TMEM108: variants seen among roughly 807,000 people sequenced by gnomAD.
The protein encoded by TMEM108 is cancer/testis antigen 124.
A neutral mutation model predicts 35.1 loss-of-function variants in TMEM108; 12 were observed. That is an observed-to-expected ratio of 0.34 (90% CI 0.22 to 0.55). The LOEUF (loss-of-function observed/expected upper bound fraction) is 0.55, where lower values mean the gene tolerates loss of function less well. Ranked by LOEUF, TMEM108 falls within the 20% of genes least tolerant of loss-of-function variation. TMEM108 has a pLI of 0.89. For synonymous variants in TMEM108, 287 were observed against 308.6 expected (o/e 0.93, Z 0.73); for missense variants, 680 against 753.3 (o/e 0.90, Z 1.14).
intron 2 of TMEM108, among the ~76,000 whole-genome samples, chr3:133,219,901 A>G (rs1945962652): frequency 6.6e-6 from 1 of 152,146 alleles, no homozygotes; most frequent in African/African-American, 2.4e-5. Flanking sequence ...ATATCCATCC[A>G]TTGTTGAAAG....
intron 3 of TMEM108, among the ~76,000 whole-genome samples, chr3:133,377,166 C>G (rs1294127875): frequency 6.6e-6 from 1 of 152,212 alleles, no homozygotes; most frequent in Non-Finnish European, 1.5e-5. Context: ...AAAGCCCTAT[C>G]TCCAAATATA....
chr3:133,176,254 A>G (rs1350539082), intron 2 of TMEM108, among the ~76,000 whole-genome samples: 1 of 152,196 alleles, frequency 6.6e-6, no homozygotes, highest in Non-Finnish European at 1.5e-5. Context: ...TCAACATTAG[A>G]CAGATCAACA....
In TMEM108 at chr3:133,229,367, A is replaced by G; in HGVS notation, c.40+16A>G. The G allele has an allele frequency of 4.3e-6, 7 of 1,611,538 alleles. No homozygotes were observed. The highest frequency in any genetic ancestry group is 5.9e-6 in the Non-Finnish European group (7 of 1,178,630). On this transcript the variant is annotated intron_variant, in intron 3 of 5. Coordinates refer to ENST00000321871, the MANE Select transcript of TMEM108 (RefSeq NM_023943.4). ...CAACTGTTAAGTAAGTTGACACTGT[A>G]TTTCTTCTTTCCTAAAATATACTAA...
intron 2 of TMEM108, among the ~76,000 whole-genome samples, chr3:133,169,803 C>A (rs933227327): frequency 6.6e-6 from 1 of 152,094 alleles, no homozygotes; most frequent in Non-Finnish European, 1.5e-5. Flanking sequence ...TTAGAAAAAG[C>A]AATTATCTAT....
chr3:133,099,305 A>T (rs770849558), intron 2 of TMEM108, among the ~76,000 whole-genome samples: 4 of 152,154 alleles, frequency 2.6e-5, no homozygotes, highest in Non-Finnish European at 5.9e-5. Flanking sequence ...TGCACGCAGC[A>T]TGGGGACCCT....
intron 3 of TMEM108, among the ~76,000 whole-genome samples, chr3:133,280,340 CT>C (rs1286672604): frequency 7.9e-5 from 12 of 152,188 alleles, no homozygotes; most frequent in African/African-American, 2.7e-4. Context: ...TCTTACTACC[CT>C]AGCATTGATT....
intron 2 of TMEM108, among the ~76,000 whole-genome samples, chr3:133,154,022 G>A (rs1178047394): frequency 8.3e-6 from 1 of 120,742 alleles, no homozygotes; most frequent in Non-Finnish European, 1.7e-5. Context: ...CAATAAATTA[G>A]TAGACTTTTT....
At chr3:133,103,196 A>G (rs935652050) in intron 2 of TMEM108, among the ~76,000 whole-genome samples, 3 of 152,240 alleles carry the variant, frequency 2.0e-5, no homozygotes, top group Admixed American at 2.0e-4. Flanking sequence ...AATGCCCATC[A>G]GTGGCGGACT....
rs916193114 is a variant in TMEM108 at position 133,346,067 on chromosome 3, T to C, written c.41-33685T>C. On this transcript the variant is annotated intron_variant, in intron 3 of 5. Transcript: ENST00000321871. The surrounding 1 kb of genome is among the most constrained non-coding windows in gnomAD (Gnocchi z 4.0). ...AAGACATCTTGGTTGCTTCTAGTTG[T>C]TGACAATTATGAATAAAGTAGCTAT... 1.3e-5 allele frequency among the ~76,000 whole-genome samples: 2 copies of C among 152,024 alleles called. No homozygotes were observed. Among genetic ancestry groups the C allele is most frequent in the Non-Finnish European group, 2.9e-5 (2 of 67,900 alleles).
chr3:133,179,814 T>C lies in TMEM108; in HGVS notation c.-46-49452T>C, dbSNP rs146932100. On this transcript the variant is annotated intron_variant, in intron 2 of 5. Coordinates refer to ENST00000321871, the MANE Select transcript of TMEM108 (RefSeq NM_023943.4). Reference sequence around the variant, plus strand: ...TAAAACTTAAAGTATAATAAAAAAATAAAATAAAATAAAATGGCCCTTCTT... The same window carrying C: ...TAAAACTTAAAGTATAATAAAAAAACAAAATAAAATAAAATGGCCCTTCTT... Among the ~76,000 whole-genome samples the C allele has an allele frequency of 9.2e-3, 1,286 of 139,884 alleles. 25 individuals are homozygous for C. Among genetic ancestry groups the C allele is most frequent in the African/African-American group, 0.035 (1,196 of 33,800 alleles). The allele number at this position is 139,884 out of a possible 152,430, so 91.8% of individuals were successfully genotyped here. A position where few individuals can be genotyped will look rare whatever the true frequency, so the allele number is the denominator to read the frequency against.
chr3:133,105,297 A>C (rs907986325), intron 2 of TMEM108, among the ~76,000 whole-genome samples: 4 of 152,084 alleles, frequency 2.6e-5, no homozygotes, highest in Non-Finnish European at 4.4e-5. Context: ...GAGGCTGTCC[A>C]TGTTCCTTGG....
At chr3:133,079,233 T>C (rs1017418305) in intron 2 of TMEM108, among the ~76,000 whole-genome samples, 2 of 152,232 alleles carry the variant, frequency 1.3e-5, no homozygotes, top group Admixed American at 1.3e-4. Context: ...GCAATGCATA[T>C]ACATTTATCT....
chr3:133,178,373 A>G (rs949034632), intron 2 of TMEM108, among the ~76,000 whole-genome samples: 3 of 152,228 alleles, frequency 2.0e-5, no homozygotes, highest in African/African-American at 7.2e-5. Context: ...CCAAAAGAAC[A>G]AAGCTGGAGG....
intron 1 of TMEM108, among the ~76,000 whole-genome samples, chr3:133,040,939 C>T (rs1454368289): frequency 2.0e-5 from 3 of 152,174 alleles, no homozygotes; most frequent in African/African-American, 4.8e-5. Flanking sequence ...GTAGTGTCCT[C>T]TGAGGAGGAT....
At chr3:133,195,155 A>G (rs929946519) in intron 2 of TMEM108, among the ~76,000 whole-genome samples, 1 of 152,188 alleles carries the variant, frequency 6.6e-6, no homozygotes, top group Non-Finnish European at 1.5e-5. Context: ...ACGACAACTA[A>G]TTATACTTCT....
intron 2 of TMEM108, among the ~76,000 whole-genome samples, chr3:133,075,701 T>C (rs1396811093): frequency 6.6e-6 from 1 of 152,136 alleles, no homozygotes; most frequent in Non-Finnish European, 1.5e-5. Flanking sequence ...TGAGGTGATA[T>C]CTTATTGTGG....
chr3:133,261,684 G>T (rs751783681), intron 3 of TMEM108, among the ~76,000 whole-genome samples: 2 of 152,156 alleles, frequency 1.3e-5, no homozygotes, highest in African/African-American at 4.8e-5. Context: ...TCCAATAAAC[G>T]TTGATGGAGG....
intron 2 of TMEM108, among the ~76,000 whole-genome samples, chr3:133,195,765 T>C (rs1156470903): frequency 6.6e-6 from 1 of 152,230 alleles, no homozygotes; most frequent in African/African-American, 2.4e-5. Flanking sequence ...CCAAGGATCT[T>C]TCCTCTTAGA....
At chr3:133,149,505 C>T (rs1418399292) in intron 2 of TMEM108, among the ~76,000 whole-genome samples, 1 of 152,152 alleles carries the variant, frequency 6.6e-6, no homozygotes, top group African/African-American at 2.4e-5. Context: ...CAAATCCCCA[C>T]ATTTTTCCCA....
Sources: gnomAD v4.1 joint callset for allele counts (sites outside exome capture counted in the v4.1 genomes callset) on GRCh38, gnomAD v4.1.1 for gene constraint, Gnocchi (gnomAD v3.1) non-coding constraint, MANE v1.5 for transcripts, NCBI Gene and HGNC (gene_info 2026-07-23, HGNC 2026-07-21) for gene names.